The following HDAC9 variants were observed in gnomAD, a reference collection of about 807,000 sequenced individuals.
HDAC9 encodes histone deacetylase 9, also known as MEF-2 interacting transcription repressor (MITR) protein.
HDAC9 carries 41 observed loss-of-function variants against 139.4 expected under a neutral mutation model. That is an observed-to-expected ratio of 0.29 (90% CI 0.23 to 0.38). HDAC9 has a LOEUF of 0.38. HDAC9 is among the 10% of genes least tolerant of loss of function. The pLI, the probability that HDAC9 is intolerant of heterozygous loss-of-function variation, is 1.00. For missense variants in HDAC9, 1,147 were observed against 1,297.0 expected, an observed-to-expected ratio of 0.88 and a Z score of 1.78; for synonymous variants, 517 against 476.2, an observed-to-expected ratio of 1.09 and a Z score of -1.12.
intron 22 of HDAC9, among the ~76,000 whole-genome samples, chr7:18,928,186 A>G (rs1396598778): frequency 6.6e-6 from 1 of 152,204 alleles, no homozygotes; most frequent in Admixed American, 6.5e-5. Context: ...CTACTACAGC[A>G]TTAACTCAGT....
chr7:18,357,033 CT>C (rs1562912068), intron 1 of HDAC9, among the ~76,000 whole-genome samples: 2 of 152,132 alleles, frequency 1.3e-5, no homozygotes, highest in African/African-American at 4.8e-5. Context: ...TGCCTTACCT[CT>C]TCTCATCCCC....
intron 1 of HDAC9, among the ~76,000 whole-genome samples, chr7:18,104,380 A>G (rs1783062628): frequency 6.6e-6 from 1 of 152,036 alleles, no homozygotes; most frequent in South Asian, 2.1e-4. Flanking sequence ...GACTATTTCA[A>G]TATCTATCAG....
intron 1 of HDAC9, among the ~76,000 whole-genome samples, chr7:18,451,368 C>CGTGTGTGT (rs71553928): frequency 0.037 from 5,108 of 138,788 alleles, 112 homozygotes; most frequent in Middle Eastern, 0.047. Flanking sequence ...TGTATATGTG[C>CGTGTGTGT]GTGTGTGTGT....
At chr7:18,137,532 C>G (rs1336575504) in intron 1 of HDAC9, among the ~76,000 whole-genome samples, 2 of 151,824 alleles carry the variant, frequency 1.3e-5, no homozygotes, top group East Asian at 3.9e-4. Context: ...TGAATTTTGT[C>G]AAAGGCCTTT....
chr7:18,955,487 A>G (rs1783086916), intron 24 of HDAC9, among the ~76,000 whole-genome samples: 1 of 152,158 alleles, frequency 6.6e-6, no homozygotes, highest in African/African-American at 2.4e-5. Flanking sequence ...TTTTCTGAGC[A>G]TTGTTTAGCC....
intron 2 of HDAC9, among the ~76,000 whole-genome samples, chr7:18,235,200 T>C (rs1664790998): frequency 6.6e-6 from 1 of 152,156 alleles, no homozygotes; most frequent in Admixed American, 6.5e-5. Flanking sequence ...TTTGCTTAAA[T>C]GAAAACATTT....
chr7:18,431,300 A>G (rs528018298), intron 1 of HDAC9, among the ~76,000 whole-genome samples: 8 of 152,312 alleles, frequency 5.3e-5, no homozygotes, highest in African/African-American at 1.7e-4. Flanking sequence ...TTTTACTTCT[A>G]TCAGGGCCTG....
At chr7:18,538,409 G>A (rs1033801362) in intron 2 of HDAC9, among the ~76,000 whole-genome samples, 2 of 152,158 alleles carry the variant, frequency 1.3e-5, no homozygotes, top group East Asian at 1.9e-4. Context: ...GGAATTTATC[G>A]CTTCATTCTC....
intron 2 of HDAC9, among the ~76,000 whole-genome samples, chr7:18,516,862 G>GAAAAAA (rs35689821): frequency 3.6e-5 from 2 of 55,070 alleles, no homozygotes; most frequent in Admixed American, 2.0e-4. Context: ...CTCCATTTCA[G>GAAAAAA]AAAAAAAAAA....
chr7:18,600,279 A>G (rs1328736067), intron 6 of HDAC9, among the ~76,000 whole-genome samples: 1 of 152,042 alleles, frequency 6.6e-6, no homozygotes, highest in African/African-American at 2.4e-5. Flanking sequence ...ATTGTCTTTC[A>G]CAGAACAGAA....
chr7:18,913,746 G>A (rs1164715603), intron 22 of HDAC9, among the ~76,000 whole-genome samples: 1 of 149,338 alleles, frequency 6.7e-6, no homozygotes, highest in Non-Finnish European at 1.5e-5. Flanking sequence ...ATAATATATT[G>A]ACTAGCAGTG....
At chr7:18,897,145 T>G (rs948341980) in intron 22 of HDAC9, among the ~76,000 whole-genome samples, 1 of 149,714 alleles carries the variant, frequency 6.7e-6, no homozygotes, top group Non-Finnish European at 1.5e-5. Flanking sequence ...AAAATTTAAT[T>G]AAATTTGGGG....
At chr7:18,768,142 G>C (rs563108118) in intron 16 of HDAC9, among the ~76,000 whole-genome samples, 1 of 152,090 alleles carries the variant, frequency 6.6e-6, no homozygotes, top group African/African-American at 2.4e-5. Flanking sequence ...ACAGTTTGCC[G>C]ACAAACAAGT....
At chr7:18,845,003 A>G (rs1585141398) in intron 21 of HDAC9, among the ~76,000 whole-genome samples, 2 of 152,290 alleles carry the variant, frequency 1.3e-5, no homozygotes, top group East Asian at 3.9e-4. Flanking sequence ...TGAAACGGAC[A>G]GGAACAGAGA....
At chr7:18,319,998 T>C (rs1220410301) in intron 1 of HDAC9, among the ~76,000 whole-genome samples, 1 of 152,234 alleles carries the variant, frequency 6.6e-6, no homozygotes, top group Non-Finnish European at 1.5e-5. Context: ...ACCTTAACAA[T>C]TCACAAGGGG....
Position 18,680,555 on chromosome 7 carries a change from A to G in HDAC9, c.1731+14079A>G, listed in dbSNP as rs979736099. Among the ~76,000 whole-genome samples, 7 of 152,086 alleles carry G rather than the reference A, an allele frequency of 4.6e-5. No homozygotes were observed. In the South Asian group the frequency reaches 6.2e-4, roughly 14 times the overall value. On this transcript the variant is annotated intron_variant, in intron 12 of 25. Transcript: ENST00000686413. ...TGGAAGTTTTCAACATTTGGCATTC[A>G]AGTTCAGGCCCAGGGAGGTTATGTG...
intron 22 of HDAC9, among the ~76,000 whole-genome samples, chr7:18,925,588 G>C (rs909794619): frequency 7.9e-5 from 12 of 151,842 alleles, no homozygotes; most frequent in African/African-American, 2.4e-4. Flanking sequence ...GTTTTACCCT[G>C]TGTAAAACTA....
At chr7:18,530,392 C>T (rs1808516935) in intron 2 of HDAC9, among the ~76,000 whole-genome samples, 1 of 152,102 alleles carries the variant, frequency 6.6e-6, no homozygotes, top group South Asian at 2.1e-4. Flanking sequence ...TTAGCCAACA[C>T]ATGACTGCTT....
At chr7:18,708,134 T>C (rs1001997012) in intron 12 of HDAC9, among the ~76,000 whole-genome samples, 6 of 152,108 alleles carry the variant, frequency 3.9e-5, no homozygotes, top group African/African-American at 1.2e-4. Flanking sequence ...TGGGTGCTGA[T>C]AAGAGTGTAG....
Sources: gnomAD v4.1 joint callset for allele counts (sites outside exome capture counted in the v4.1 genomes callset) on GRCh38, gnomAD v4.1.1 for gene constraint, MANE v1.5 for transcripts, NCBI Gene and HGNC (gene_info 2026-07-23, HGNC 2026-07-21) for gene names.